APMAP: variants seen among roughly 807,000 people sequenced by gnomAD.
APMAP encodes the protein adipocyte plasma membrane associated protein.
A neutral mutation model predicts 43.6 loss-of-function variants in APMAP; 33 were observed. The ratio of observed to expected loss-of-function variants is 0.76; its 90% CI spans 0.57 to 1.01. The LOEUF (loss-of-function observed/expected upper bound fraction) is 1.01. Among genes scored for constraint, APMAP ranks in the 50% least tolerant of loss-of-function variants. APMAP has a pLI of 0.00. For missense variants in APMAP, 498 were observed against 540.7 expected, an observed-to-expected ratio of 0.92 and a Z score of 0.78; for synonymous variants, 224 against 216.7, an observed-to-expected ratio of 1.03 and a Z score of -0.30.
chr20:24,972,102 T>C (rs373562423), intron 4 of APMAP, among the ~76,000 whole-genome samples: 152 of 140,688 alleles, frequency 1.1e-3, no homozygotes, highest in African/African-American at 3.9e-3. Context: ...CAGGTGGTTA[T>C]TGCAGGGTGT....
chr20:24,969,571 T>G lies in APMAP; in HGVS notation c.803A>C (p.Glu268Ala). The G allele has an allele frequency of 6.2e-7, 1 of 1,614,032 alleles. No individual in the cohort carries two copies. ...TGTTTCTGCCACCAGGACAAAGTCT[T>G]CTGCAGGAGACAGCTGGACTCCATT... ...FPNGVQLSPAEDFVLVAETTM... is the reference protein window; with the variant it reads ...FPNGVQLSPAADFVLVAETTM... Residue 268 changes from glutamate (E) to alanine (A), a missense_variant, in exon 7 of 9, where the codon GAA (glutamate) becomes GCA (alanine). Glu to Ala is a moderately radical substitution (Grantham distance 107, BLOSUM62 -1). Coordinates refer to ENST00000217456, the MANE Select transcript of APMAP (RefSeq NM_020531.3).
Position 24,963,980 on chromosome 20 carries a change from T to A in APMAP, c.1084A>T (p.Ser362Cys). The change falls in exon 9 of 9, where the codon AGC becomes TGC. Residue 362 changes from serine (S) to cysteine (C), a missense_variant. Coordinates refer to ENST00000217456, the MANE Select transcript of APMAP (RefSeq NM_020531.3). ...CTGTCGCTGAGTTCTAGGACGAGGC[T>A]GTACCGCGGCACAAACTTCATCACC... ...ETVMKFVPRYSLVLELSDSGA... is the reference protein window; with the variant it reads ...ETVMKFVPRYCLVLELSDSGA... 1.2e-6 allele frequency: 2 copies of A among 1,614,226 alleles called. No individual in the cohort carries two copies. The highest frequency in any genetic ancestry group is 3.3e-5 in the Admixed American group (2 of 60,034).
At chr20:24,966,284 C>G (rs1244741548) in intron 8 of APMAP, among the ~76,000 whole-genome samples, 1 of 152,196 alleles carries the variant, frequency 6.6e-6, no homozygotes, top group Non-Finnish European at 1.5e-5. Flanking sequence ...ATTTGAGCAT[C>G]AAAATCAATG....
At chr20:24,990,565 T>C (rs2088183152) in intron 1 of APMAP, among the ~76,000 whole-genome samples, 2 of 152,242 alleles carry the variant, frequency 1.3e-5, no homozygotes, top group Admixed American at 1.3e-4. Context: ...GCTTCCTTTA[T>C]TCTATTTAGC....
chr20:24,963,786 C>A lies in APMAP; in HGVS notation c.*27G>T, dbSNP rs759669997. The A allele has an allele frequency of 1.9e-6, 3 of 1,608,532 alleles. No individual in the cohort carries two copies. The highest frequency in any genetic ancestry group is 2.6e-6 in the Non-Finnish European group (3 of 1,175,620). On this transcript the variant is annotated 3_prime_UTR_variant, in exon 9 of 9. Coordinates refer to ENST00000217456, the MANE Select transcript of APMAP (RefSeq NM_020531.3). ...CCTGAGTGTGAAGACTCCTGGCCTG[C>A]GTGGCAGGGGCAGCTATCTGGGAGG... is the stretch of plus-strand genomic sequence containing the variant.
rs183732103 is a variant in APMAP at position 24,971,614 on chromosome 20, C to T, written c.422-38G>A. The T allele has an allele frequency of 6.6e-6, 10 of 1,525,354 alleles. No homozygotes were observed. The African/African-American group carries it at 8.2e-5, about 12-fold the overall frequency. The allele number at this position is 1,525,354 out of a possible 1,614,324, so 94.5% of individuals were successfully genotyped here. ...ACAGATGGGGATTGGTAGCTGGTCC[C>T]GGATTCTACATGTGCTGTTCTCAGT... On this transcript the variant is annotated intron_variant, in intron 4 of 8. Transcript: ENST00000217456.
In APMAP at chr20:24,969,228, A is replaced by G. The variant is rs546745628; in HGVS notation, c.849-144T>C. The G allele has an allele frequency of 1.7e-5, 16 of 965,580 alleles. No individual in the cohort carries two copies. In the South Asian group the frequency reaches 3.0e-4, roughly 18 times the overall value. 59.8% of individuals were successfully genotyped at this position (965,580 alleles called of 1,614,324 possible). A position where few individuals can be genotyped will look rare whatever the true frequency, so the allele number is the denominator to read the frequency against. ...ATCATGAACAAAGGCTCAGCTGCTGAGAAGAAACCTTTGTGCACAGGGCCC... is the reference window on the plus strand; with the variant it reads ...ATCATGAACAAAGGCTCAGCTGCTGGGAAGAAACCTTTGTGCACAGGGCCC... On this transcript the variant is annotated intron_variant, in intron 7 of 8. Coordinates refer to ENST00000217456, the MANE Select transcript of APMAP (RefSeq NM_020531.3).
intron 8 of APMAP, among the ~76,000 whole-genome samples, 192 bp downstream of exon 8, chr20:24,968,700 A>G (rs753333983): frequency 7.9e-5 from 12 of 152,220 alleles, no homozygotes; most frequent in Non-Finnish European, 1.6e-4. Flanking sequence ...ACCCAGAAAA[A>G]GGAAAACCAT....
chr20:24,964,869 G>A (rs990563827), intron 8 of APMAP, among the ~76,000 whole-genome samples: 7 of 152,080 alleles, frequency 4.6e-5, no homozygotes, highest in African/African-American at 1.2e-4. Context: ...CAGACAAGCT[G>A]ACTAGACTCT....
At position 24,965,866 on chromosome 20, in the gene APMAP, G is replaced by C. The variant is rs117616655; in HGVS notation, c.1042-1844C>G. ...TCTCACTGTTGGAGAGGTACAAATA[G>C]GGGGAAAAATAAGGGGAGAAAACTT... is the stretch of plus-strand genomic sequence containing the variant. On this transcript the variant is annotated intron_variant, in intron 8 of 8. Coordinates refer to ENST00000217456, the MANE Select transcript of APMAP (RefSeq NM_020531.3). 1.1e-3 allele frequency among the ~76,000 whole-genome samples: 164 copies of C among 152,310 alleles called. 3 individuals carry two copies. The East Asian group carries it at 0.031, about 28-fold the overall frequency.
chr20:24,978,737 G>GCCCC (rs760875477), intron 3 of APMAP, 30 bp downstream of exon 3: 3 of 1,313,148 alleles, frequency 2.3e-6, no homozygotes, highest in South Asian at 1.2e-5. Context: ...CAGCCTGGAA[G>GCCCC]GCTCCCCCCC....
chr20:24,968,032 A>G (rs778868875), intron 8 of APMAP, among the ~76,000 whole-genome samples: 1 of 152,260 alleles, frequency 6.6e-6, no homozygotes, highest in Admixed American at 6.5e-5. Flanking sequence ...CCCCAGGACC[A>G]TAAGCTAGTA....
At chr20:24,964,073 G>A in intron 8 of APMAP, 51 bp from the exon 9 acceptor site, 2 of 1,578,890 alleles carry the variant, frequency 1.3e-6, no homozygotes, top group Non-Finnish European at 1.7e-6. Context: ...CAAGAACACT[G>A]TGCGCAGATC....
intron 1 of APMAP, among the ~76,000 whole-genome samples, chr20:24,984,635 T>C (rs1464548607): frequency 6.6e-6 from 1 of 152,204 alleles, no homozygotes; most frequent in Non-Finnish European, 1.5e-5. Flanking sequence ...CTGACAGTTA[T>C]CCACACAGGA....
intron 2 of APMAP, among the ~76,000 whole-genome samples, chr20:24,979,088 T>C (rs2122512863): frequency 1.3e-5 from 2 of 151,392 alleles, no homozygotes; most frequent in Middle Eastern, 3.4e-3. Context: ...ATAAATGTGC[T>C]AGTGCAAGAC....
chr20:24,970,148 G>C, intron 6 of APMAP, 49 bp downstream of exon 6: 2 of 1,604,288 alleles, frequency 1.2e-6, no homozygotes. Context: ...TGAAGCAACT[G>C]GCCTGGCTGG....
At chr20:24,987,625 A>G (rs1226857863) in intron 1 of APMAP, among the ~76,000 whole-genome samples, 1 of 152,136 alleles carries the variant, frequency 6.6e-6, no homozygotes, top group African/African-American at 2.4e-5. Context: ...TGTTATGCGA[A>G]TTTCACCTCA....
rs2087917877 is a variant in APMAP at position 24,963,759 on chromosome 20, T to G, written c.*54A>C. 1 of 1,550,662 alleles carries G rather than the reference T, an allele frequency of 6.4e-7. No homozygotes were observed. Among genetic ancestry groups the G allele is most frequent in the African/African-American group, 1.4e-5 (1 of 73,542 alleles). Reference sequence around the variant, plus strand: ...ACAGCTCCTCCTGGACCAGGCCTGGTGCCTGAGTGTGAAGACTCCTGGCCT... The same window carrying G: ...ACAGCTCCTCCTGGACCAGGCCTGGGGCCTGAGTGTGAAGACTCCTGGCCT... On this transcript the variant is annotated 3_prime_UTR_variant, in exon 9 of 9. Coordinates refer to ENST00000217456, the MANE Select transcript of APMAP (RefSeq NM_020531.3).
rs114982000 is a variant in APMAP at position 24,992,710 on chromosome 20, C to G, written c.-22G>C. 3,596 of 1,495,126 alleles carry G rather than the reference C, an allele frequency of 2.4e-3. 75 individuals carry two copies. In the African/African-American group the frequency reaches 0.046, roughly 19 times the overall value. 92.6% of individuals were successfully genotyped at this position (1,495,126 alleles called of 1,614,324 possible). On this transcript the variant is annotated 5_prime_UTR_variant, in exon 1 of 9. Coordinates refer to ENST00000217456, the MANE Select transcript of APMAP (RefSeq NM_020531.3). ...TCATGGTACGGGCGCCAGCCTCACCCGCAGAAACCACCTCACACTGAGCGG... is the reference window on the plus strand; with the variant it reads ...TCATGGTACGGGCGCCAGCCTCACCGGCAGAAACCACCTCACACTGAGCGG...
Sources: allele counts gnomAD v4.1 joint callset (sites outside exome capture counted in the v4.1 genomes callset), GRCh38; gene constraint gnomAD v4.1.1; transcripts MANE v1.5; gene names NCBI Gene and HGNC (gene_info 2026-07-23, HGNC 2026-07-21).